PTBP3: variants seen among roughly 807,000 people sequenced by gnomAD.
PTBP3 encodes polypyrimidine tract-binding protein 3.
A neutral mutation model predicts 58.7 loss-of-function variants in PTBP3; 20 were observed. That is an observed-to-expected ratio of 0.34 (90% CI 0.24 to 0.50). The LOEUF (loss-of-function observed/expected upper bound fraction) is 0.50, where lower values mean the gene tolerates loss of function less well. Among genes scored for constraint, PTBP3 ranks in the 20% least tolerant of loss-of-function variants. PTBP3 has a pLI of 0.98. For synonymous variants in PTBP3, 185 were observed against 219.8 expected (o/e 0.84, Z 1.40); for missense variants, 509 against 637.2 (o/e 0.80, Z 2.17).
chr9:112,378,610 A>G, the PTBP3 span, among the ~76,000 whole-genome samples: 1 of 152,316 alleles, frequency 6.6e-6, no homozygotes, highest in East Asian at 1.9e-4. Flanking sequence ...GAGGAGAGTA[A>G]GTTATTTTCA....
At chr9:112,244,150 A>C (rs1386480000) in intron 7 of PTBP3, among the ~76,000 whole-genome samples, 3 of 150,988 alleles carry the variant, frequency 2.0e-5, no homozygotes, top group Non-Finnish European at 4.4e-5. Flanking sequence ...AAATACAAAA[A>C]CCATGGTGGC....
chr9:112,359,642 A>G, the PTBP3 span, among the ~76,000 whole-genome samples: 25,784 of 151,998 alleles, frequency 0.17, 2,458 homozygotes, highest in East Asian at 0.23. Flanking sequence ...CGTCTCTACA[A>G]AAATTCAAAA....
chr9:112,302,736 C>A (rs1408110507), intron 1 of PTBP3, among the ~76,000 whole-genome samples: 1 of 151,892 alleles, frequency 6.6e-6, no homozygotes, highest in East Asian at 1.9e-4. Context: ...TTACAGGTGT[C>A]CGCCCACAAC....
intron 7 of PTBP3, among the ~76,000 whole-genome samples, chr9:112,244,564 G>T (rs936060702): frequency 6.6e-5 from 10 of 151,726 alleles, no homozygotes; most frequent in African/African-American, 2.4e-4. Context: ...CTGTGGTCCT[G>T]GCTACTCAGG....
Position 112,234,832 on chromosome 9 carries a change from G to C in PTBP3, c.868C>G (p.Pro290Ala). 1 of 1,611,762 alleles carries C rather than the reference G, an allele frequency of 6.2e-7. No individual in the cohort carries two copies. The highest frequency in any genetic ancestry group is 8.5e-7 in the Non-Finnish European group (1 of 1,178,180). Reference sequence around the variant, plus strand: ...TTAAAAGAATCACCTGTAGCTTGAGGAAATCCAATGGCTGGGGCAAATCCA... The same window carrying C: ...TTAAAAGAATCACCTGTAGCTTGAGCAAATCCAATGGCTGGGGCAAATCCA... ...AAGFAPAIGF[P>A]QATGLSVPAV... The change falls in exon 8 of 14, where the codon CCT (proline) becomes GCT (alanine). Residue 290 changes from proline (P) to alanine (A), a missense_variant. Physicochemically the swap from Pro to Ala is conservative, Grantham distance 27 (BLOSUM62 -1). Coordinates refer to ENST00000374257, the MANE Select transcript of PTBP3 (RefSeq NM_001163788.4).
At position 112,250,781 on chromosome 9, in the gene PTBP3, TG is replaced by T. The variant is rs1813556220; in HGVS notation, c.802+147del. ...CCTCCTAATATTAATATTTAATTAATGGGTATACTTTGTTCTAGGATTCTTG... is the reference window on the plus strand; with the variant it reads ...CCTCCTAATATTAATATTTAATTAATGGTATACTTTGTTCTAGGATTCTTG... On this transcript the variant is annotated intron_variant, in intron 7 of 13. Transcript: ENST00000374257. 5 of 620,620 alleles carry T rather than the reference TG, an allele frequency of 8.1e-6. No individual in the cohort carries two copies. The South Asian group carries it at 3.0e-4, about 37-fold the overall frequency. 38.4% of individuals were successfully genotyped at this position (620,620 alleles called of 1,614,324 possible). A position where few individuals can be genotyped will look rare whatever the true frequency, so the allele number is the denominator to read the frequency against.
intron 2 of PTBP3, among the ~76,000 whole-genome samples, chr9:112,297,132 C>T (rs138127142): frequency 2.2e-4 from 34 of 152,286 alleles, no homozygotes; most frequent in Non-Finnish European, 3.8e-4. Context: ...CCTTATGGTA[C>T]GTAAATTACT....
rs78213533 is a variant in PTBP3, at chr9:112,233,039, A to T, written c.881-801T>A. On this transcript the variant is annotated intron_variant, in intron 8 of 13. Coordinates refer to ENST00000374257, the MANE Select transcript of PTBP3 (RefSeq NM_001163788.4). ...GTAATTAAATTATAATATATTTTAC[A>T]TTCAGCCTATTCTGCTTGATAATCT... Among the ~76,000 whole-genome samples, 554 of 152,084 alleles carry T rather than the reference A, an allele frequency of 3.6e-3. 4 individuals carry two copies. The highest frequency in any genetic ancestry group is 0.013 in the African/African-American group (535 of 41,488).
intron 2 of PTBP3, among the ~76,000 whole-genome samples, chr9:112,289,360 T>C (rs1430971193): frequency 6.6e-6 from 1 of 152,100 alleles, no homozygotes; most frequent in Non-Finnish European, 1.5e-5. Context: ...AATTTAATAC[T>C]GAGTTCTTTA....
chr9:112,237,867 T>C (rs562319326), intron 7 of PTBP3, among the ~76,000 whole-genome samples: 17 of 152,224 alleles, frequency 1.1e-4, no homozygotes, highest in Non-Finnish European at 2.5e-4. Context: ...GGGAGAAAAG[T>C]CCCCTGAAAA....
At chr9:112,255,707 A>G (rs1437301286) in intron 5 of PTBP3, among the ~76,000 whole-genome samples, 1 of 152,202 alleles carries the variant, frequency 6.6e-6, no homozygotes, top group Non-Finnish European at 1.5e-5. Context: ...CACTTCTTGT[A>G]TAACACTACT....
Position 112,222,624 on chromosome 9 carries a change from A to C in PTBP3, c.*1227T>G, listed in dbSNP as rs1834843691. On this transcript the variant is annotated 3_prime_UTR_variant, in exon 14 of 14. Transcript: ENST00000374257. ...ACACCGTCTCTGCACCAAGCACCAA[A>C]AATTTGATAAAAACTATTACTTATT... 4.1e-6 allele frequency: 4 copies of C among 985,716 alleles called. No individual in the cohort carries two copies. Among genetic ancestry groups the C allele is most frequent in the African/African-American group, 1.7e-5 (1 of 57,234 alleles). 61.1% of individuals were successfully genotyped at this position (985,716 alleles called of 1,614,324 possible).
chr9:112,306,022 G>A (rs1564450320), intron 1 of PTBP3, among the ~76,000 whole-genome samples: 1 of 152,084 alleles, frequency 6.6e-6, no homozygotes, highest in Non-Finnish European at 1.5e-5. Context: ...TGAACCTGTG[G>A]GTAGCTTCGG....
In PTBP3 at chr9:112,223,883, G is replaced by A; in HGVS notation, c.1543C>T (p.Leu515Phe). 6.2e-7 allele frequency: 1 copy of A among 1,613,440 alleles called. No individual in the cohort carries two copies. The highest frequency in any genetic ancestry group is 8.5e-7 in the Non-Finnish European group (1 of 1,179,486). The change falls in exon 14 of 14, where the codon CTC becomes TTC. Residue 515 changes from leucine to phenylalanine, a missense_variant. By Grantham distance (22) the Leu-to-Phe change is conservative (BLOSUM62 0). This residue lies in a region of PTBP3 where 135 missense variants were observed against 229.0 expected (regional missense o/e 0.59). Coordinates refer to ENST00000374257, the MANE Select transcript of PTBP3 (RefSeq NM_001163788.4). ...GTAGATTTTGAGAAGGAAACTCTGAGGTGGTGATTTTCTCCAAGGTCATGG... is the reference window on the plus strand; with the variant it reads ...GTAGATTTTGAGAAGGAAACTCTGAAGTGGTGATTTTCTCCAAGGTCATGG... ...HNHDLGENHH[L>F]RVSFSKSTI
At chr9:112,374,095 G>A in the PTBP3 span, among the ~76,000 whole-genome samples, 46 of 152,236 alleles carry the variant, frequency 3.0e-4, no homozygotes, top group Non-Finnish European at 5.3e-4. Context: ...CACGGGGTAT[G>A]GTAACACTGA....
chr9:112,245,819 G>A (rs1343632074), intron 7 of PTBP3, among the ~76,000 whole-genome samples: 1 of 152,004 alleles, frequency 6.6e-6, no homozygotes, highest in Non-Finnish European at 1.5e-5. Flanking sequence ...GGGGTAATTT[G>A]AACATAAAAT....
chr9:112,374,197 C>T, the PTBP3 span, among the ~76,000 whole-genome samples: 1,877 of 152,272 alleles, frequency 0.012, 48 homozygotes, highest in African/African-American at 0.043. Context: ...AACACTAACT[C>T]CCTTCTTAGC....
At position 112,223,220 on chromosome 9, in the gene PTBP3, G is replaced by C; in HGVS notation, c.*631C>G. ...AATAGTCTTAAAAAGTTAAAGATAG[G>C]CATTATTTAAAGGAGTGTCTTACAG... On this transcript the variant is annotated 3_prime_UTR_variant, in exon 14 of 14. Transcript: ENST00000374257. The C allele has an allele frequency of 1.1e-6, 1 of 937,974 alleles. No individual in the cohort carries two copies. Among genetic ancestry groups the C allele is most frequent in the Non-Finnish European group, 1.3e-6 (1 of 786,564 alleles). The allele number at this position is 937,974 out of a possible 1,614,324, so 58.1% of individuals were successfully genotyped here.
At chr9:112,306,321 T>C (rs1157619981) in intron 1 of PTBP3, among the ~76,000 whole-genome samples, 1 of 151,866 alleles carries the variant, frequency 6.6e-6, no homozygotes, top group Admixed American at 6.6e-5. Context: ...CACACCACCA[T>C]GCCCAGCTAA....
Sources: allele counts gnomAD v4.1 joint callset (sites outside exome capture counted in the v4.1 genomes callset), GRCh38; gene constraint gnomAD v4.1.1; regional missense constraint gnomAD v4.1.1; transcripts MANE v1.5; gene names NCBI Gene and HGNC (gene_info 2026-07-23, HGNC 2026-07-21).